The following LRRC7 variants were observed in gnomAD, a reference collection of about 807,000 sequenced individuals.
The protein encoded by LRRC7 is leucine-rich repeat-containing protein 7.
A neutral mutation model predicts 175.7 loss-of-function variants in LRRC7; 23 were observed. The observed-to-expected ratio is 0.13, with a 90% CI of 0.09 to 0.19. The LOEUF is 0.19. LRRC7 is among the 10% of genes least tolerant of loss of function. The probability of loss-of-function intolerance (pLI) is 1.00; values close to 1 mark genes in which losing one functional copy is unlikely to be tolerated. For synonymous variants in LRRC7, 685 were observed against 680.9 expected (o/e 1.01, Z -0.09); for missense variants, 1,354 against 1,904.7 (o/e 0.71, Z 5.38).
intron 3 of LRRC7, among the ~76,000 whole-genome samples, chr1:69,778,883 TAC>T (rs566636911): frequency 3.4e-5 from 5 of 148,792 alleles, no homozygotes; most frequent in Admixed American, 1.3e-4. Flanking sequence ...TACACACACA[TAC>T]ACACACACAC....
intron 5 of LRRC7, among the ~76,000 whole-genome samples, chr1:69,830,074 ATAT>A (rs1680356457): frequency 6.6e-6 from 1 of 151,828 alleles, no homozygotes; most frequent in Non-Finnish European, 1.5e-5. Context: ...ATGTAGATAA[ATAT>A]TATTACCTTT....
At chr1:70,107,600 C>G (rs1571342844) in intron 25 of LRRC7, 152 bp from the exon 26 acceptor site, 1 of 495,788 alleles carries the variant, frequency 2.0e-6, no homozygotes, top group African/African-American at 2.0e-5. Flanking sequence ...GAGAGTGCTG[C>G]CTTGCTTAAA....
rs542050605 is a variant in LRRC7, at chr1:69,683,580, G to T, written c.100+5102G>T. Reference sequence around the variant, plus strand: ...GTGATAAGAGAAAAATATGTATTTTGAAATAATATAGAACTAGAGGGAAGA... The same window carrying T: ...GTGATAAGAGAAAAATATGTATTTTTAAATAATATAGAACTAGAGGGAAGA... On this transcript the variant is annotated intron_variant, in intron 2 of 26. Transcript: ENST00000651989. Among the ~76,000 whole-genome samples the T allele has an allele frequency of 1.3e-5, 2 of 152,160 alleles. 1 individual carries two copies. Among genetic ancestry groups the T allele is most frequent in the South Asian group, 4.1e-4 (2 of 4,824 alleles).
At chr1:69,901,762 C>G (rs764142930) in intron 7 of LRRC7, among the ~76,000 whole-genome samples, 2 of 152,094 alleles carry the variant, frequency 1.3e-5, no homozygotes, top group Non-Finnish European at 2.9e-5. Context: ...ATGCAAAATA[C>G]TTTTTACACT....
intron 7 of LRRC7, among the ~76,000 whole-genome samples, chr1:69,889,381 C>G (rs1332686626): frequency 6.6e-6 from 1 of 152,194 alleles, no homozygotes; most frequent in Non-Finnish European, 1.5e-5. Context: ...AGTAGAACTT[C>G]TTTCAAAATT....
At chr1:69,698,876 A>G (rs1007685594) in intron 2 of LRRC7, among the ~76,000 whole-genome samples, 11 of 152,238 alleles carry the variant, frequency 7.2e-5, no homozygotes, top group African/African-American at 2.2e-4. Context: ...GTCTTCATTC[A>G]AATTTTAGAT....
intron 4 of LRRC7, among the ~76,000 whole-genome samples, chr1:69,814,910 CT>C (rs550484178): frequency 8.5e-4 from 129 of 152,204 alleles, no homozygotes; most frequent in Admixed American, 2.6e-3. Flanking sequence ...TTTGTTTTTC[CT>C]GAATTTAATG....
rs899431747 is a variant in LRRC7 at position 70,096,593 on chromosome 1, GA to G, written c.4545+6785del. Among the ~76,000 whole-genome samples, 545 of 144,378 alleles carry G rather than the reference GA, an allele frequency of 3.8e-3. 3 individuals are homozygous for G. Among genetic ancestry groups the G allele is most frequent in the African/African-American group, 0.012 (461 of 39,528 alleles). The allele number at this position is 144,378 out of a possible 152,430, so 94.7% of individuals were successfully genotyped here. ...GTATACTGAGTTCTCTGTTGAAAGA[GA>G]AAAAAAAAAATCACACGTTCCCTTT... is the stretch of plus-strand genomic sequence containing the variant. On this transcript the variant is annotated intron_variant, in intron 25 of 26. Transcript: ENST00000651989.
intron 11 of LRRC7, among the ~76,000 whole-genome samples, chr1:69,997,517 G>A (rs1570957390): frequency 6.6e-6 from 1 of 152,018 alleles, no homozygotes; most frequent in African/African-American, 2.4e-5. Flanking sequence ...TGTCCATTCA[G>A]TATGATATTG....
At chr1:69,798,771 C>A (rs1216253065) in intron 4 of LRRC7, among the ~76,000 whole-genome samples, 1 of 151,934 alleles carries the variant, frequency 6.6e-6, no homozygotes, top group African/African-American at 2.4e-5. Flanking sequence ...ATATATTATT[C>A]TTCAAGTTTT....
chr1:69,684,817 A>C (rs1660924800), intron 2 of LRRC7, among the ~76,000 whole-genome samples: 1 of 152,234 alleles, frequency 6.6e-6, no homozygotes, highest in African/African-American at 2.4e-5. Context: ...GAGGTTTGGA[A>C]GAGAGCCACC....
At chr1:69,909,640 G>A (rs868463269) in intron 7 of LRRC7, among the ~76,000 whole-genome samples, 12 of 152,188 alleles carry the variant, frequency 7.9e-5, no homozygotes, top group African/African-American at 2.2e-4. Context: ...TGAGAGATCC[G>A]CTGTTAGTCT....
intron 8 of LRRC7, among the ~76,000 whole-genome samples, chr1:69,949,470 T>C (rs1239954416): frequency 6.6e-6 from 1 of 151,984 alleles, no homozygotes; most frequent in Non-Finnish European, 1.5e-5. Flanking sequence ...GGTGGGAGGA[T>C]CACTTGGCCC....
At chr1:69,731,306 C>T (rs148674661) in intron 2 of LRRC7, among the ~76,000 whole-genome samples, 91 of 152,094 alleles carry the variant, frequency 6.0e-4, no homozygotes, top group African/African-American at 2.1e-3. Context: ...CCAAAAAAAC[C>T]ATGAGACCTC....
At chr1:69,775,529 T>G (rs1303450131) in intron 3 of LRRC7, among the ~76,000 whole-genome samples, 2 of 152,166 alleles carry the variant, frequency 1.3e-5, no homozygotes, top group African/African-American at 4.8e-5. Context: ...ACTCTTAACT[T>G]GTTACAGAAA....
intron 4 of LRRC7, among the ~76,000 whole-genome samples, chr1:69,819,571 C>CTGTGTGTG (rs1486357927): frequency 2.3e-5 from 3 of 130,558 alleles, no homozygotes; most frequent in African/African-American, 1.1e-4. Context: ...CTCTCTCTCT[C>CTGTGTGTG]TCTCTCTGTG....
chr1:69,620,763 T>C (rs569997933), intron 1 of LRRC7, among the ~76,000 whole-genome samples: 15 of 152,370 alleles, frequency 9.8e-5, no homozygotes, highest in Middle Eastern at 3.4e-3. Context: ...TTCTACTGGA[T>C]GTTTGCCTGT....
intron 1 of LRRC7, among the ~76,000 whole-genome samples, chr1:69,639,272 T>C (rs1214055143): frequency 1.3e-5 from 2 of 151,750 alleles, no homozygotes; most frequent in Non-Finnish European, 3.0e-5. Context: ...AACCAAATGG[T>C]GTTTTTGTAT....
chr1:69,666,045 T>A (rs1658221430), intron 1 of LRRC7, among the ~76,000 whole-genome samples: 1 of 152,152 alleles, frequency 6.6e-6, no homozygotes, highest in Non-Finnish European at 1.5e-5. Flanking sequence ...GGATGTCGAA[T>A]GTTATCAAAT....
Sources: gnomAD v4.1 joint callset for allele counts (sites outside exome capture counted in the v4.1 genomes callset) on GRCh38, gnomAD v4.1.1 for gene constraint, MANE v1.5 for transcripts, NCBI Gene and HGNC (gene_info 2026-07-23, HGNC 2026-07-21) for gene names.